REDIC1: variants seen among roughly 807,000 people sequenced by gnomAD.
The protein encoded by REDIC1 is regulator of DNA class I crossover intermediates 1, also known as HEI10 Interacting Protein 1.
chr12:39,672,124 CTGG>C, the REDIC1 span, among the ~76,000 whole-genome samples: 1 of 151,924 alleles, frequency 6.6e-6, no homozygotes, highest in Non-Finnish European at 1.5e-5. Context: ...ATTAAGCCAC[CTGG>C]TGGTGTATGT....
At chr12:39,883,487 T>C in the REDIC1 span, among the ~76,000 whole-genome samples, 1 of 152,184 alleles carries the variant, frequency 6.6e-6, no homozygotes, top group African/African-American at 2.4e-5. Flanking sequence ...TGTGTCCATC[T>C]AACACCTCAT....
chr12:39,761,293 T>C, the REDIC1 span, among the ~76,000 whole-genome samples: 2 of 152,138 alleles, frequency 1.3e-5, no homozygotes, highest in African/African-American at 2.4e-5. Flanking sequence ...TGGCAGTTTA[T>C]GATTCTGTAA....
At chr12:39,721,288 T>C in the REDIC1 span, 1 of 1,541,900 alleles carries the variant, frequency 6.5e-7, no homozygotes, top group African/African-American at 1.4e-5. Flanking sequence ...AGAATTTCAC[T>C]TGCCCTTAGA....
chr12:39,901,146 C>G, the REDIC1 span, among the ~76,000 whole-genome samples: 3 of 152,132 alleles, frequency 2.0e-5, no homozygotes, highest in Non-Finnish European at 4.4e-5. Context: ...ATGTAGAAAG[C>G]TGAAACTGGA....
the REDIC1 span, among the ~76,000 whole-genome samples, chr12:39,800,465 C>T: frequency 7.2e-6 from 1 of 138,942 alleles, no homozygotes; most frequent in African/African-American, 2.7e-5. Context: ...CAAAAGAAGA[C>T]ATTTATGCAG....
chr12:39,683,169 A>C, the REDIC1 span: 1 of 1,536,550 alleles, frequency 6.5e-7, no homozygotes, highest in Non-Finnish European at 8.7e-7. Context: ...AAATGTAATT[A>C]CATATTCTTT....
At chr12:39,889,253 T>G in the REDIC1 span, among the ~76,000 whole-genome samples, 2 of 152,092 alleles carry the variant, frequency 1.3e-5, no homozygotes, top group African/African-American at 4.8e-5. Flanking sequence ...AACCCCAAAT[T>G]TGTTATCAAT....
chr12:39,721,480 G>A, the REDIC1 span: 3 of 419,488 alleles, frequency 7.2e-6, no homozygotes, highest in Non-Finnish European at 1.3e-5. Flanking sequence ...ATATGGTAGA[G>A]TTTTTAGAAA....
the REDIC1 span, among the ~76,000 whole-genome samples, chr12:39,776,132 A>G: frequency 6.6e-6 from 1 of 152,192 alleles, no homozygotes; most frequent in Non-Finnish European, 1.5e-5. Flanking sequence ...TTCCCATAAT[A>G]CAGTCAGGCA....
chr12:39,812,367 C>CTTTTCTTTTCTT, the REDIC1 span, among the ~76,000 whole-genome samples: 7 of 142,634 alleles, frequency 4.9e-5, no homozygotes, highest in East Asian at 8.3e-4. Flanking sequence ...CTTTTCTTTT[C>CTTTTCTTTTCTT]TTTTCTTTTC....
At chr12:39,660,201 G>C in the REDIC1 span, among the ~76,000 whole-genome samples, 1 of 152,102 alleles carries the variant, frequency 6.6e-6, no homozygotes, top group Non-Finnish European at 1.5e-5. Context: ...TTGAACACTT[G>C]AGAACACTCT....
At chr12:39,816,486 G>A in the REDIC1 span, among the ~76,000 whole-genome samples, 1 of 150,446 alleles carries the variant, frequency 6.6e-6, no homozygotes, top group Non-Finnish European at 1.5e-5. Context: ...TGTAAATGAC[G>A]AGTTAATGGG....
chr12:39,647,808 C>A, the REDIC1 span: 1 of 1,589,720 alleles, frequency 6.3e-7, no homozygotes, highest in Non-Finnish European at 8.6e-7. Flanking sequence ...GGCATGGACT[C>A]ATATAGTATG....
At chr12:39,764,547 T>C in the REDIC1 span, 1 of 1,611,848 alleles carries the variant, frequency 6.2e-7, no homozygotes, top group East Asian at 2.2e-5. Context: ...GAACATGCAT[T>C]TCCTGTACTT....
the REDIC1 span, among the ~76,000 whole-genome samples, chr12:39,723,947 C>G: frequency 1.3e-5 from 2 of 152,114 alleles, no homozygotes; most frequent in Non-Finnish European, 2.9e-5. Flanking sequence ...GACAATATAG[C>G]AATGTAGCAA....
the REDIC1 span, among the ~76,000 whole-genome samples, chr12:39,841,746 C>T: frequency 5.9e-5 from 9 of 151,676 alleles, no homozygotes; most frequent in African/African-American, 2.2e-4. Flanking sequence ...GAGAAAAAAA[C>T]AGTAACTAAT....
At chr12:39,813,194 T>A in the REDIC1 span, among the ~76,000 whole-genome samples, 1 of 151,780 alleles carries the variant, frequency 6.6e-6, no homozygotes, top group African/African-American at 2.4e-5. Flanking sequence ...TTGGATTAAT[T>A]AGATATTTTT....
the REDIC1 span, among the ~76,000 whole-genome samples, chr12:39,711,459 A>C: frequency 6.9e-6 from 1 of 144,822 alleles, no homozygotes; most frequent in Non-Finnish European, 1.5e-5. Flanking sequence ...ATATACACAT[A>C]TACACATACA....
At chr12:39,711,608 CATGTGT>C in the REDIC1 span, among the ~76,000 whole-genome samples, 2 of 104,644 alleles carry the variant, frequency 1.9e-5, no homozygotes, top group Admixed American at 9.4e-5. Flanking sequence ...TATACACATG[CATGTGT>C]ATGTGTATAC....
Sources: allele counts gnomAD v4.1 joint callset (sites outside exome capture counted in the v4.1 genomes callset), GRCh38; gene constraint gnomAD v4.1.1; transcripts MANE v1.5; gene names NCBI Gene and HGNC (gene_info 2026-07-23, HGNC 2026-07-21).